GRK5: variants seen among roughly 807,000 people sequenced by gnomAD.
The protein encoded by GRK5 is g protein-coupled receptor kinase GRK5.
Under a neutral mutation model 78.4 loss-of-function variants are expected in GRK5, and 40 were observed. The observed-to-expected ratio is 0.51, with a 90% CI of 0.40 to 0.66. The LOEUF is 0.66. GRK5 is among the 30% of genes least tolerant of loss of function. GRK5 has a pLI of 0.00. For synonymous variants in GRK5, 289 were observed against 296.8 expected, an observed-to-expected ratio of 0.97 and a Z score of 0.27; for missense variants, 598 against 759.9, an observed-to-expected ratio of 0.79 and a Z score of 2.50.
intron 1 of GRK5, among the ~76,000 whole-genome samples, chr10:119,240,481 A>G (rs546071792): frequency 4.6e-4 from 70 of 151,920 alleles, no homozygotes; most frequent in South Asian, 8.3e-4. Context: ...GATTACAGGC[A>G]TGAGCCACCA....
chr10:119,379,057 G>C lies in GRK5; in HGVS notation c.149-1758G>C, dbSNP rs999490754. Among the ~76,000 whole-genome samples the C allele has an allele frequency of 9.9e-5, 15 of 152,196 alleles. No individual in the cohort carries two copies. On this transcript the variant is annotated intron_variant, in intron 2 of 15. Coordinates refer to ENST00000392870, the MANE Select transcript of GRK5 (RefSeq NM_005308.3). The surrounding 1 kb of genome is among the most constrained non-coding windows in gnomAD (Gnocchi z 4.1). ...GCTCCCCTTTTAGATTCAGAGGCTT[G>C]GGTTGAATTGGTGCAGACTGGGAGA...
chr10:119,297,430 A>T lies in GRK5; in HGVS notation c.53-29086A>T, dbSNP rs181534097. Reference sequence around the variant, plus strand: ...GGCCTCCCCACTGTACAGAGGTCAGATGTCTCTCCCATCCTCCACCAGGCT... The same window carrying T: ...GGCCTCCCCACTGTACAGAGGTCAGTTGTCTCTCCCATCCTCCACCAGGCT... On this transcript the variant is annotated intron_variant, in intron 1 of 15. Transcript: ENST00000392870. Among the ~76,000 whole-genome samples, 1,010 of 152,278 alleles carry T rather than the reference A, an allele frequency of 6.6e-3. 7 individuals are homozygous for T. The highest frequency in any genetic ancestry group is 0.01 in the Non-Finnish European group (688 of 68,002).
intron 4 of GRK5, among the ~76,000 whole-genome samples, chr10:119,409,335 C>T (rs1346640724): frequency 1.3e-5 from 2 of 152,212 alleles, no homozygotes; most frequent in Admixed American, 1.3e-4. Flanking sequence ...GGCTGATGTG[C>T]CTTGCTGGAG....
intron 11 of GRK5, among the ~76,000 whole-genome samples, chr10:119,442,686 C>T (rs115259852): frequency 0.019 from 2,941 of 152,326 alleles, 92 homozygotes; most frequent in African/African-American, 0.067. Flanking sequence ...CCCTGAGAGG[C>T]GCGTGCCCGG....
At chr10:119,398,584 G>T (rs567055386) in intron 4 of GRK5, among the ~76,000 whole-genome samples, 1 of 152,304 alleles carries the variant, frequency 6.6e-6, no homozygotes, top group Non-Finnish European at 1.5e-5. Flanking sequence ...AGTCACATGT[G>T]TCCCCCCCAA....
chr10:119,338,725 C>T (rs1224054073), intron 2 of GRK5, among the ~76,000 whole-genome samples: 1 of 152,174 alleles, frequency 6.6e-6, no homozygotes, highest in South Asian at 2.1e-4. Flanking sequence ...ACCCAGGCCC[C>T]CGGTCTCTCC....
In GRK5 at chr10:119,271,625, G is replaced by A. The variant is rs529421467; in HGVS notation, c.53-54891G>A. Among the ~76,000 whole-genome samples, 1 of 152,206 alleles carries A rather than the reference G, an allele frequency of 6.6e-6. No individual in the cohort carries two copies. The highest frequency in any genetic ancestry group is 2.4e-5 in the African/African-American group (1 of 41,450). The stretch of plus-strand genomic sequence containing the variant: ...GACTCACCCCATCAGTGCTGGGCTG[G>A]TGTGTGCGGGGTTTTGTCGCCACCT... On this transcript the variant is annotated intron_variant, in intron 1 of 15. Coordinates refer to ENST00000392870, the MANE Select transcript of GRK5 (RefSeq NM_005308.3). The surrounding 1 kb of genome is among the most constrained non-coding windows in gnomAD (Gnocchi z 4.1).
intron 3 of GRK5, among the ~76,000 whole-genome samples, chr10:119,381,770 C>G (rs559280273): frequency 6.0e-4 from 91 of 152,170 alleles, no homozygotes; most frequent in Non-Finnish European, 1.2e-3. Flanking sequence ...CCGCCAGGTG[C>G]AGGGGCCGAG....
intron 1 of GRK5, among the ~76,000 whole-genome samples, chr10:119,284,552 A>G (rs1285128275): frequency 6.6e-6 from 1 of 152,224 alleles, no homozygotes; most frequent in African/African-American, 2.4e-5. Context: ...AGTTTATCTT[A>G]CCTCAGAGCA....
intron 3 of GRK5, among the ~76,000 whole-genome samples, chr10:119,388,538 G>C (rs932874730): frequency 1.3e-5 from 2 of 151,794 alleles, no homozygotes; most frequent in East Asian, 3.9e-4. Flanking sequence ...TGTTTCACCA[G>C]GTTGGCCAGG....
At chr10:119,282,599 G>A (rs1270710405) in intron 1 of GRK5, among the ~76,000 whole-genome samples, 11 of 152,306 alleles carry the variant, frequency 7.2e-5, no homozygotes, top group African/African-American at 1.2e-4. Flanking sequence ...ATGGACTATC[G>A]AGCAGATGGA....
intron 11 of GRK5, 62 bp from the exon 12 acceptor site, chr10:119,443,482 G>A (rs1256518974): frequency 1.6e-5 from 24 of 1,475,700 alleles, no homozygotes; most frequent in Non-Finnish European, 2.8e-6. Context: ...CAGGCCTTCT[G>A]TGAGCAGCGC....
At chr10:119,451,379 C>T (rs1853282408) in intron 13 of GRK5, among the ~76,000 whole-genome samples, 1 of 152,200 alleles carries the variant, frequency 6.6e-6, no homozygotes, top group South Asian at 2.1e-4. Context: ...CATTTCTTAA[C>T]ATTCCTCTGC....
intron 10 of GRK5, 36 bp from the exon 11 acceptor site, chr10:119,441,963 G>A: frequency 6.4e-7 from 1 of 1,570,984 alleles, no homozygotes; most frequent in Non-Finnish European, 8.8e-7. Flanking sequence ...CCATGCGGCT[G>A]TCCCAGGGAC....
At chr10:119,239,609 G>A (rs1415321249) in intron 1 of GRK5, among the ~76,000 whole-genome samples, 1 of 152,114 alleles carries the variant, frequency 6.6e-6, no homozygotes, top group Non-Finnish European at 1.5e-5. Flanking sequence ...GTATACATGT[G>A]CTATGGTGGC....
intron 8 of GRK5, among the ~76,000 whole-genome samples, chr10:119,434,208 C>T (rs1235602157): frequency 6.6e-6 from 1 of 152,128 alleles, no homozygotes. Context: ...GGACACAGCC[C>T]AACCATATCA....
intron 2 of GRK5, among the ~76,000 whole-genome samples, chr10:119,335,227 C>G (rs147671315): frequency 7.2e-6 from 1 of 138,204 alleles, no homozygotes; most frequent in African/African-American, 2.7e-5. Flanking sequence ...TCCTTTCCTT[C>G]TTTATCTTTC....
In GRK5 at chr10:119,430,476, C is replaced by A; in HGVS notation, c.597+38C>A. The A allele has an allele frequency of 6.4e-7, 1 of 1,572,074 alleles. No individual in the cohort carries two copies. The highest frequency in any genetic ancestry group is 8.7e-7 in the Non-Finnish European group (1 of 1,143,514). ...TCACGTTTTTAATTGAAAGTTCTTA[C>A]ATTCAAGTCACCTTTCCTGTCCCTT... is the stretch of plus-strand genomic sequence containing the variant. On this transcript the variant is annotated intron_variant, in intron 7 of 15. Coordinates refer to ENST00000392870, the MANE Select transcript of GRK5 (RefSeq NM_005308.3). This position sits in a 1 kb window ranked among gnomAD's most constrained non-coding sequence, Gnocchi z 4.5.
intron 2 of GRK5, among the ~76,000 whole-genome samples, chr10:119,356,586 T>G (rs1434690253): frequency 6.6e-6 from 1 of 152,188 alleles, no homozygotes; most frequent in Non-Finnish European, 1.5e-5. Context: ...TGTGCCTGGA[T>G]TTCTATATCC....
Sources: allele counts gnomAD v4.1 joint callset (sites outside exome capture counted in the v4.1 genomes callset), GRCh38; gene constraint gnomAD v4.1.1; non-coding constraint Gnocchi (gnomAD v3.1); transcripts MANE v1.5; gene names NCBI Gene and HGNC (gene_info 2026-07-23, HGNC 2026-07-21).